BTRC: variants seen among roughly 807,000 people sequenced by gnomAD.
The protein encoded by BTRC is beta-transducin repeat containing E3 ubiquitin protein ligase.
A neutral mutation model predicts 85.5 loss-of-function variants in BTRC; 42 were observed. The observed-to-expected ratio is 0.49, with a 90% CI of 0.38 to 0.64. The LOEUF (loss-of-function observed/expected upper bound fraction) is 0.64. Among genes scored for constraint, BTRC ranks in the 30% least tolerant of loss-of-function variants. The pLI, the probability that BTRC is intolerant of heterozygous loss-of-function variation, is 0.00. For synonymous variants in BTRC, 255 were observed against 263.3 expected (o/e 0.97, Z 0.30); for missense variants, 594 against 743.5 (o/e 0.80, Z 2.34).
intron 1 of BTRC, among the ~76,000 whole-genome samples, chr10:101,400,688 A>T (rs940346783): frequency 1.3e-5 from 2 of 152,186 alleles, no homozygotes; most frequent in African/African-American, 4.8e-5. Context: ...CCTGGCCTTA[A>T]TATGTAGATT....
intron 6 of BTRC, among the ~76,000 whole-genome samples, chr10:101,526,530 A>G (rs1157414880): frequency 6.6e-6 from 1 of 152,244 alleles, no homozygotes; most frequent in Non-Finnish European, 1.5e-5. Context: ...CTGCAATCCC[A>G]GCACTTTCGG....
intron 14 of BTRC, among the ~76,000 whole-genome samples, chr10:101,551,810 C>A (rs1191403305): frequency 6.6e-6 from 1 of 152,210 alleles, no homozygotes; most frequent in Non-Finnish European, 1.5e-5. Flanking sequence ...GTCGCACAGG[C>A]TGTGTGCCCT....
At chr10:101,369,388 A>C (rs1363342509) in intron 1 of BTRC, among the ~76,000 whole-genome samples, 1 of 150,336 alleles carries the variant, frequency 6.7e-6, no homozygotes, top group African/African-American at 2.5e-5. Flanking sequence ...GTGTGCCAGG[A>C]CTCCTTATTT....
chr10:101,550,906 T>C lies in BTRC; in HGVS notation c.*31+15T>C. 2 of 1,582,960 alleles carry C rather than the reference T, an allele frequency of 1.3e-6. No individual in the cohort carries two copies. The highest frequency in any genetic ancestry group is 1.7e-6 in the Non-Finnish European group (2 of 1,155,110). On this transcript the variant is annotated intron_variant, in intron 14 of 14. Transcript: ENST00000370187. ...TACTTGCCCAGGTATCGAAATCGAT[T>C]ATGTACATAACACTGTGGGTAGGAG...
chr10:101,396,362 T>G lies in BTRC; in HGVS notation c.49-33983T>G, dbSNP rs190178517. ...AAAGTAGTTGAACTTTATGAATTTC[T>G]GCAAGATTCTGCCACTATGCGAAAA... is the stretch of plus-strand genomic sequence containing the variant. On this transcript the variant is annotated intron_variant, in intron 1 of 14. Transcript: ENST00000370187. 6.8e-4 allele frequency among the ~76,000 whole-genome samples: 103 copies of G among 151,856 alleles called. 1 individual carries two copies. Among genetic ancestry groups the G allele is most frequent in the African/African-American group, 2.3e-3 (97 of 41,412 alleles).
chr10:101,432,176 A>G (rs1020291853), intron 2 of BTRC, among the ~76,000 whole-genome samples: 1 of 149,996 alleles, frequency 6.7e-6, no homozygotes, highest in Non-Finnish European at 1.5e-5. Context: ...TGTCCAGGCT[A>G]GAGTGCAGTG....
intron 1 of BTRC, among the ~76,000 whole-genome samples, chr10:101,375,450 T>C (rs1301507278): frequency 6.6e-6 from 1 of 152,178 alleles, no homozygotes; most frequent in East Asian, 1.9e-4. Context: ...AAACCTCTTT[T>C]CTTATAAATT....
chr10:101,375,102 T>C (rs1043766237), intron 1 of BTRC, among the ~76,000 whole-genome samples: 1 of 152,196 alleles, frequency 6.6e-6, no homozygotes, highest in African/African-American at 2.4e-5. Context: ...ATGATTTGGC[T>C]CTGTACCCAC....
chr10:101,409,565 G>C (rs903646164), intron 1 of BTRC, among the ~76,000 whole-genome samples: 2 of 152,048 alleles, frequency 1.3e-5, no homozygotes, highest in Non-Finnish European at 2.9e-5. Flanking sequence ...CTATATACCT[G>C]GGCTATATGT....
chr10:101,468,746 A>G (rs578042325), intron 3 of BTRC, among the ~76,000 whole-genome samples: 2 of 152,336 alleles, frequency 1.3e-5, no homozygotes, highest in South Asian at 4.1e-4. Context: ...AGCTTTTTGC[A>G]AGGTTAAAAC....
rs866114588 is a variant in BTRC at position 101,549,313 on chromosome 10, C to T, written c.1657-1386C>T. ...AGGTGTGGTGGCATGAGTCTATAGTCCTCACTACTTGGGAGGCTTAAGCAG... is the reference window on the plus strand; with the variant it reads ...AGGTGTGGTGGCATGAGTCTATAGTTCTCACTACTTGGGAGGCTTAAGCAG... On this transcript the variant is annotated intron_variant, in intron 13 of 14. Transcript: ENST00000370187. Among the ~76,000 whole-genome samples the T allele has an allele frequency of 1.7e-4, 25 of 150,130 alleles. 1 individual carries two copies. The Middle Eastern group carries it at 0.014, about 85-fold the overall frequency.
intron 1 of BTRC, among the ~76,000 whole-genome samples, chr10:101,418,893 G>A (rs919962878): frequency 1.3e-5 from 2 of 151,860 alleles, no homozygotes; most frequent in Non-Finnish European, 2.9e-5. Flanking sequence ...CATTTAAGGT[G>A]TACAACATGT....
intron 3 of BTRC, among the ~76,000 whole-genome samples, chr10:101,467,237 T>C (rs932560150): frequency 2.0e-5 from 3 of 151,418 alleles, no homozygotes; most frequent in Non-Finnish European, 2.9e-5. Flanking sequence ...TTAATAGCTC[T>C]GTAATGTTCA....
At chr10:101,516,771 T>C (rs1026041271) in intron 4 of BTRC, among the ~76,000 whole-genome samples, 1 of 152,170 alleles carries the variant, frequency 6.6e-6, no homozygotes, top group Admixed American at 6.6e-5. Context: ...CTTATGATTA[T>C]AGCAATATCT....
chr10:101,397,683 TCCC>T (rs1386473476), intron 1 of BTRC, among the ~76,000 whole-genome samples: 1 of 152,202 alleles, frequency 6.6e-6, no homozygotes, highest in African/African-American at 2.4e-5. Context: ...CTTTCCTCTT[TCCC>T]CCATTTCTCA....
chr10:101,485,630 AC>A (rs1268425327), intron 4 of BTRC, among the ~76,000 whole-genome samples: 21 of 151,990 alleles, frequency 1.4e-4, no homozygotes, highest in Non-Finnish European at 1.5e-5. Flanking sequence ...AACTCTATGA[AC>A]CGTTTTTTTT....
chr10:101,377,470 A>G (rs369664084), intron 1 of BTRC, among the ~76,000 whole-genome samples: 37 of 152,228 alleles, frequency 2.4e-4, no homozygotes, highest in Admixed American at 4.6e-4. Flanking sequence ...TTCCAGAGTG[A>G]TTGTACCAGT....
intron 4 of BTRC, among the ~76,000 whole-genome samples, chr10:101,486,962 ATATC>A (rs1360162806): frequency 6.6e-6 from 1 of 152,224 alleles, no homozygotes; most frequent in Non-Finnish European, 1.5e-5. Flanking sequence ...CATATTGTGA[ATATC>A]TATGATACTA....
intron 13 of BTRC, among the ~76,000 whole-genome samples, chr10:101,543,912 T>G (rs150159982): frequency 7.9e-5 from 12 of 152,316 alleles, no homozygotes; most frequent in East Asian, 1.9e-4. Context: ...TTTAAGATTT[T>G]TTTGTTTGTT....
Sources: allele counts gnomAD v4.1 joint callset (sites outside exome capture counted in the v4.1 genomes callset), GRCh38; gene constraint gnomAD v4.1.1; transcripts MANE v1.5; gene names NCBI Gene and HGNC (gene_info 2026-07-23, HGNC 2026-07-21).